KAZN: variants seen among roughly 807,000 people sequenced by gnomAD.
KAZN encodes the protein kazrin.
KAZN carries 40 observed loss-of-function variants against 87.4 expected under a neutral mutation model. The ratio of observed to expected loss-of-function variants is 0.46; its 90% CI spans 0.36 to 0.60. KAZN has a LOEUF of 0.60. Ranked by LOEUF, KAZN falls within the 20% of genes least tolerant of loss-of-function variation. The probability of loss-of-function intolerance (pLI) is 0.00; values close to 1 mark genes in which losing one functional copy is unlikely to be tolerated. For missense variants in KAZN, 898 were observed against 1,073.9 expected (o/e 0.84, Z 2.29); for synonymous variants, 466 against 458.3 (o/e 1.02, Z -0.22).
intron 1 of KAZN, among the ~76,000 whole-genome samples, chr1:14,023,556 C>G (rs1345347899): frequency 1.3e-5 from 2 of 152,136 alleles, no homozygotes; most frequent in African/African-American, 4.8e-5. Context: ...AGTTTGTGAT[C>G]TAAACCCATA....
At chr1:14,153,828 G>T (rs1432219862) in intron 1 of KAZN, among the ~76,000 whole-genome samples, 1 of 149,074 alleles carries the variant, frequency 6.7e-6, no homozygotes, top group Non-Finnish European at 1.5e-5. Flanking sequence ...CTTTGGATTT[G>T]TTTCTGGGTT....
chr1:14,040,660 G>A (rs1001891862), intron 1 of KAZN, among the ~76,000 whole-genome samples: 3 of 152,080 alleles, frequency 2.0e-5, no homozygotes, highest in Admixed American at 6.6e-5. Context: ...TACTCAGGCT[G>A]GGGCTGAGGC....
In KAZN at chr1:14,096,484, G is replaced by A. The variant is rs151208012; in HGVS notation, c.92-83951G>A. On this transcript the variant is annotated intron_variant, in intron 1 of 16. Coordinates refer to the KAZN transcript ENST00000636203. ...GGCTCACCACCTGCTGACAAAACCC[G>A]AACCTGCTTAAGTTTCTTGGAGGCA... 4.1e-3 allele frequency among the ~76,000 whole-genome samples: 632 copies of A among 152,320 alleles called. 10 individuals are homozygous for A. In the South Asian group the frequency reaches 0.066, roughly 16 times the overall value.
At chr1:14,131,779 G>T (rs1340245700) in intron 1 of KAZN, among the ~76,000 whole-genome samples, 3 of 152,034 alleles carry the variant, frequency 2.0e-5, no homozygotes, top group African/African-American at 7.2e-5. Flanking sequence ...AGGGCTCAAA[G>T]GATATCACCA....
At chr1:14,464,531 TC>T (rs1668012337) in intron 2 of KAZN, among the ~76,000 whole-genome samples, 1 of 149,490 alleles carries the variant, frequency 6.7e-6, no homozygotes, top group Non-Finnish European at 1.5e-5. Flanking sequence ...CTAAATAATT[TC>T]TTTTTTTTTT....
At chr1:15,048,779 G>C (rs1294183844) in intron 4 of KAZN, among the ~76,000 whole-genome samples, 1 of 144,270 alleles carries the variant, frequency 6.9e-6, no homozygotes, top group Non-Finnish European at 1.5e-5. Flanking sequence ...ATCCTGGGTC[G>C]TTGATCCTTG....
At chr1:14,862,196 T>A (rs1650939780) in intron 1 of KAZN, among the ~76,000 whole-genome samples, 1 of 152,172 alleles carries the variant, frequency 6.6e-6, no homozygotes, top group Non-Finnish European at 1.5e-5. Flanking sequence ...TCTCAAATCA[T>A]AATTAAAACA....
At chr1:14,656,935 C>T (rs1638829698) in intron 1 of KAZN, among the ~76,000 whole-genome samples, 1 of 152,180 alleles carries the variant, frequency 6.6e-6, no homozygotes, top group Non-Finnish European at 1.5e-5. Context: ...ATTTTACAGG[C>T]CAGGAAACTG....
intron 2 of KAZN, among the ~76,000 whole-genome samples, chr1:14,405,605 A>AATGTGT (rs1663774837): frequency 1.2e-5 from 1 of 86,178 alleles, no homozygotes; most frequent in African/African-American, 4.4e-5. Context: ...GACCCAATAA[A>AATGTGT]ATGTGTGTGT....
At chr1:14,195,907 T>C (rs980547016) in intron 2 of KAZN, among the ~76,000 whole-genome samples, 1 of 152,096 alleles carries the variant, frequency 6.6e-6, no homozygotes, top group Admixed American at 6.5e-5. Context: ...TAAATTTATG[T>C]GTCAGGCGAT....
chr1:14,695,385 A>G (rs1641537002), intron 1 of KAZN, among the ~76,000 whole-genome samples: 1 of 152,090 alleles, frequency 6.6e-6, no homozygotes, highest in Non-Finnish European at 1.5e-5. Flanking sequence ...CAGCAAAAAG[A>G]ACACTTGCCC....
Position 14,245,719 on chromosome 1 carries a change from C to A in KAZN, c.249+65127C>A, listed in dbSNP as rs377459186. On this transcript the variant is annotated intron_variant, in intron 2 of 16. Transcript: ENST00000636203. ...CAAGCACATCCCCACCAGCTGTGTT[C>A]CTGTTTCCTTATCTCATTTTAAGTA... 1.2e-4 allele frequency among the ~76,000 whole-genome samples: 19 copies of A among 152,232 alleles called. No individual in the cohort carries two copies. The East Asian group carries it at 3.5e-3, about 28-fold the overall frequency.
At chr1:14,210,516 C>T (rs1011798466) in intron 2 of KAZN, among the ~76,000 whole-genome samples, 1 of 152,112 alleles carries the variant, frequency 6.6e-6, no homozygotes, top group African/African-American at 2.4e-5. Flanking sequence ...GGGGTCTAAA[C>T]CTTCTCCCTA....
chr1:14,704,475 A>G (rs1368128138), intron 1 of KAZN, among the ~76,000 whole-genome samples: 1 of 152,198 alleles, frequency 6.6e-6, no homozygotes, highest in Admixed American at 6.5e-5. Flanking sequence ...TATAACCAAA[A>G]TGTGTGCCCA....
chr1:14,474,900 G>A (rs146124722), intron 2 of KAZN, among the ~76,000 whole-genome samples: 374 of 152,274 alleles, frequency 2.5e-3, no homozygotes, highest in African/African-American at 8.6e-3. Flanking sequence ...ATGGAAGAAT[G>A]CATTGGTGGA....
At chr1:14,148,079 G>A (rs555822606) in intron 1 of KAZN, among the ~76,000 whole-genome samples, 24 of 151,816 alleles carry the variant, frequency 1.6e-4, no homozygotes, top group Admixed American at 1.3e-3. Context: ...AAATTAGCCG[G>A]GTGTGGTGGC....
chr1:14,664,048 GCT>G (rs1376025635), intron 1 of KAZN, among the ~76,000 whole-genome samples: 1 of 152,228 alleles, frequency 6.6e-6, no homozygotes, highest in Non-Finnish European at 1.5e-5. Flanking sequence ...GGGATAGTAT[GCT>G]AAGTGAAATA....
At position 14,230,157 on chromosome 1, in the gene KAZN, T is replaced by A. The variant is rs181988847; in HGVS notation, c.249+49565T>A. On this transcript the variant is annotated intron_variant, in intron 2 of 16. Transcript: ENST00000636203. ...AGCCTCATGTGACTAGTGGCTACCT[T>A]ATTGCCTGAGCAGTTCTAGAGCCTC... Among the ~76,000 whole-genome samples the A allele has an allele frequency of 5.0e-3, 764 of 152,332 alleles. 5 individuals are homozygous for A. Among genetic ancestry groups the A allele is most frequent in the African/African-American group, 0.017 (709 of 41,568 alleles).
intron 1 of KAZN, among the ~76,000 whole-genome samples, chr1:14,633,659 C>T (rs1458390713): frequency 6.6e-6 from 1 of 152,178 alleles, no homozygotes; most frequent in African/African-American, 2.4e-5. Flanking sequence ...AGGAAACTTA[C>T]ACAGCCATTC....
Sources: allele counts gnomAD v4.1 joint callset (sites outside exome capture counted in the v4.1 genomes callset), GRCh38; gene constraint gnomAD v4.1.1; transcripts MANE v1.5; gene names NCBI Gene and HGNC (gene_info 2026-07-23, HGNC 2026-07-21).